The following PRKAR1B variants were observed in gnomAD, a reference collection of about 807,000 sequenced individuals.
PRKAR1B encodes protein kinase cAMP-dependent type I regulatory subunit beta.
In PRKAR1B, 22 loss-of-function variants were observed where a neutral mutation model predicts 46.5. That is an observed-to-expected ratio of 0.47 (90% CI 0.34 to 0.68). The LOEUF is 0.68. PRKAR1B is among the 30% of genes least tolerant of loss of function. The probability of loss-of-function intolerance (pLI) is 0.01; values close to 1 mark genes in which losing one functional copy is unlikely to be tolerated. For synonymous variants in PRKAR1B, 259 were observed against 217.7 expected (o/e 1.19, Z -1.67); for missense variants, 445 against 535.6 (o/e 0.83, Z 1.67).
chr7:613,462 G>C (rs1042868554), intron 4 of PRKAR1B, among the ~76,000 whole-genome samples: 1 of 152,176 alleles, frequency 6.6e-6, no homozygotes, highest in African/African-American at 2.4e-5. Context: ...GTGTGGCACA[G>C]ACTCCAAGCC....
At chr7:613,111 C>G (rs1409182829) in intron 4 of PRKAR1B, among the ~76,000 whole-genome samples, 1 of 152,048 alleles carries the variant, frequency 6.6e-6, no homozygotes, top group East Asian at 1.9e-4. Flanking sequence ...GTCGATGAAA[C>G]TGTACAATTT....
intron 2 of PRKAR1B, among the ~76,000 whole-genome samples, chr7:710,910 C>T (rs1270879049): frequency 2.2e-4 from 34 of 152,298 alleles, no homozygotes; most frequent in Non-Finnish European, 5.9e-5. Context: ...TCCCAAAGTG[C>T]TGGGATGACA....
intron 2 of PRKAR1B, among the ~76,000 whole-genome samples, chr7:685,465 A>C (rs1779046460): frequency 6.8e-6 from 1 of 146,394 alleles, no homozygotes; most frequent in South Asian, 2.2e-4. Context: ...TCCAGAAAGT[A>C]AAATAAAATA....
intron 9 of PRKAR1B, among the ~76,000 whole-genome samples, chr7:553,018 C>T (rs1040695852): frequency 2.0e-5 from 3 of 152,250 alleles, no homozygotes; most frequent in African/African-American, 7.2e-5. Context: ...ATGCAGCCTG[C>T]GGACGGCGGG....
At position 666,019 on chromosome 7, in the gene PRKAR1B, T is replaced by C. The variant is rs1785901962; in HGVS notation, c.440+11210A>G. 6.6e-6 allele frequency among the ~76,000 whole-genome samples: 1 copy of C among 152,174 alleles called. No individual in the cohort carries two copies. Among genetic ancestry groups the C allele is most frequent in the Non-Finnish European group, 1.5e-5 (1 of 68,026 alleles). On this transcript the variant is annotated intron_variant, in intron 4 of 10. Coordinates refer to ENST00000537384, the MANE Select transcript of PRKAR1B (RefSeq NM_001164760.2). The surrounding 1 kb of genome is among the most constrained non-coding windows in gnomAD (Gnocchi z 4.9). Reference sequence around the variant, plus strand: ...GCCTCAAGGGTGAGGTGCCCTCGCCTGTGCCCGTCTGGCAGCTCCAGTAAT... The same window carrying C: ...GCCTCAAGGGTGAGGTGCCCTCGCCCGTGCCCGTCTGGCAGCTCCAGTAAT...
intron 7 of PRKAR1B, among the ~76,000 whole-genome samples, chr7:588,825 G>A (rs1428423556): frequency 3.3e-5 from 3 of 90,096 alleles, no homozygotes; most frequent in African/African-American, 9.4e-5. Context: ...GATGATGGTG[G>A]TGATGGTGGT....
intron 6 of PRKAR1B, among the ~76,000 whole-genome samples, chr7:599,005 G>A (rs1050428058): frequency 2.0e-5 from 3 of 152,250 alleles, no homozygotes; most frequent in Admixed American, 2.0e-4. Flanking sequence ...TCAAAGCGGG[G>A]ATCCGTGGCT....
At chr7:582,666 G>T (rs1015496126) in intron 8 of PRKAR1B, among the ~76,000 whole-genome samples, 1 of 152,222 alleles carries the variant, frequency 6.6e-6, no homozygotes, top group Admixed American at 6.5e-5. Flanking sequence ...CTCGCCCGGA[G>T]CAGGGAGAGG....
chr7:669,699 G>C (rs540590560), intron 4 of PRKAR1B, among the ~76,000 whole-genome samples: 1 of 151,710 alleles, frequency 6.6e-6, no homozygotes, highest in Non-Finnish European at 1.5e-5. Flanking sequence ...AGGAGACGGA[G>C]GTTGCAGTGA....
chr7:680,752 A>AG, intron 2 of PRKAR1B, 26 bp from the exon 3 acceptor site: 2 of 1,613,500 alleles, frequency 1.2e-6, no homozygotes. Context: ...AAACACAGAA[A>AG]GGAAGTAAGA....
chr7:661,254 C>G (rs1455540246), intron 4 of PRKAR1B, among the ~76,000 whole-genome samples: 2 of 71,132 alleles, frequency 2.8e-5, no homozygotes, highest in East Asian at 5.7e-4. Flanking sequence ...TACCTACTCT[C>G]CCCCCCATGG....
intron 1 of PRKAR1B, among the ~76,000 whole-genome samples, chr7:715,958 G>A (rs6971385): frequency 0.024 from 3,627 of 151,932 alleles, 60 homozygotes; most frequent in Middle Eastern, 0.037. Flanking sequence ...CTCGTGATCC[G>A]CCCGCCTTGG....
At chr7:587,881 G>A (rs1478922655) in intron 7 of PRKAR1B, among the ~76,000 whole-genome samples, 5 of 152,246 alleles carry the variant, frequency 3.3e-5, no homozygotes, top group Non-Finnish European at 7.3e-5. Flanking sequence ...TTAAACGCCT[G>A]TCCCTGGAAA....
chr7:641,838 A>G (rs1314657943), intron 4 of PRKAR1B, among the ~76,000 whole-genome samples: 1 of 152,128 alleles, frequency 6.6e-6, no homozygotes, highest in Non-Finnish European at 1.5e-5. Flanking sequence ...TACTTTTATT[A>G]TCACTATTTT....
intron 7 of PRKAR1B, among the ~76,000 whole-genome samples, chr7:588,400 T>C (rs1240588592): frequency 1.3e-5 from 2 of 152,276 alleles, no homozygotes; most frequent in Admixed American, 6.5e-5. Context: ...GTTATGTTGC[T>C]GCTAATGGTG....
In PRKAR1B at chr7:662,447, C is replaced by T. The variant is rs28460216; in HGVS notation, c.440+14782G>A. Among the ~76,000 whole-genome samples, 463 of 112,558 alleles carry T rather than the reference C, an allele frequency of 4.1e-3. 15 individuals are homozygous for T. Among genetic ancestry groups the T allele is most frequent in the African/African-American group, 0.016 (442 of 27,820 alleles). The allele number at this position is 112,558 out of a possible 152,430, so 73.8% of individuals were successfully genotyped here. A position where few individuals can be genotyped will look rare whatever the true frequency, so the allele number is the denominator to read the frequency against. On this transcript the variant is annotated intron_variant, in intron 4 of 10. Coordinates refer to ENST00000537384, the MANE Select transcript of PRKAR1B (RefSeq NM_001164760.2). ...CAAATACCTACTCTCCCCCCAGTGC[C>T]ACAAGTTCCCCACCCCAACGGGTCC...
In PRKAR1B at chr7:587,893, CTA is replaced by C. The variant is rs1460956553; in HGVS notation, c.709-3327_709-3326del. 2.0e-5 allele frequency among the ~76,000 whole-genome samples: 3 copies of C among 152,350 alleles called. No homozygotes were observed. The East Asian group carries it at 5.8e-4, about 29-fold the overall frequency. ...ATGTTAAACGCCTGTCCCTGGAAAA[CTA>C]TGACAAAAATGCAAGCTCCAGTGAA... On this transcript the variant is annotated intron_variant, in intron 7 of 10. Transcript: ENST00000537384.
chr7:631,313 G>A (rs1397130693), intron 4 of PRKAR1B, among the ~76,000 whole-genome samples: 1 of 152,230 alleles, frequency 6.6e-6, no homozygotes, highest in African/African-American at 2.4e-5. Flanking sequence ...CAGTGGCCAG[G>A]TGTGGACAGC....
At chr7:622,338 GC>G (rs1454893650) in intron 4 of PRKAR1B, among the ~76,000 whole-genome samples, 1 of 152,196 alleles carries the variant, frequency 6.6e-6, no homozygotes, top group African/African-American at 2.4e-5. Context: ...GCCACACAGG[GC>G]CTCCCGCTCA....
Sources: gnomAD v4.1 joint callset for allele counts (sites outside exome capture counted in the v4.1 genomes callset) on GRCh38, gnomAD v4.1.1 for gene constraint, Gnocchi (gnomAD v3.1) non-coding constraint, MANE v1.5 for transcripts, NCBI Gene and HGNC (gene_info 2026-07-23, HGNC 2026-07-21) for gene names.